Variants in PPOX observed in about 807,000 individuals in gnomAD.
The protein encoded by PPOX is variegate porphyria.
In PPOX, 23 loss-of-function variants were observed where a neutral mutation model predicts 54.1. That is an observed-to-expected ratio of 0.43 (90% CI 0.31 to 0.60). The LOEUF is 0.60. Ranked by LOEUF, PPOX falls within the 20% of genes least tolerant of loss-of-function variation. The probability of loss-of-function intolerance (pLI) is 0.13; values close to 1 mark genes in which losing one functional copy is unlikely to be tolerated. For synonymous variants in PPOX, 224 were observed against 236.1 expected, an observed-to-expected ratio of 0.95 and a Z score of 0.47; for missense variants, 512 against 601.1, an observed-to-expected ratio of 0.85 and a Z score of 1.55.
chr1:161,177,267 A>C, downstream of PPOX: 1 of 599,546 alleles, frequency 1.7e-6, no homozygotes, highest in Non-Finnish European at 2.9e-6. Context: ...CCTACCTACT[A>C]GCAACGTGAG....
chr1:161,170,797 C>CTTGATAACT, intron 11 of PPOX, 28 bp downstream of exon 11: 2 of 1,614,076 alleles, frequency 1.2e-6, no homozygotes, highest in Non-Finnish European at 1.7e-6. Context: ...TCCCTCAGCT[C>CTTGATAACT]TCCACTGAAG....
chr1:161,166,217 G>C, upstream of PPOX: 1 of 970,222 alleles, frequency 1.0e-6, no homozygotes, highest in South Asian at 4.8e-5. Flanking sequence ...TTAAGCGCTC[G>C]CCGCCTCGGT....
At chr1:161,173,582 G>A, downstream of PPOX, 1 of 1,613,238 alleles carries the variant, frequency 6.2e-7, no homozygotes, top group Non-Finnish European at 8.5e-7. Context: ...GGTCAGGAGG[G>A]AGGAAGTGGC....
At chr1:161,173,705 C>T (rs1662343248), downstream of PPOX, 4 of 1,614,120 alleles carry the variant, frequency 2.5e-6, no homozygotes, top group Non-Finnish European at 3.4e-6. Context: ...GAGACTCCTC[C>T]GAAGTACTGG....
At chr1:161,171,704 G>T, downstream of PPOX, 2 of 1,449,658 alleles carry the variant, frequency 1.4e-6, no homozygotes, top group South Asian at 2.6e-5. Context: ...CCCTAGCACG[G>T]CACCAGAGTT....
At chr1:161,172,386 G>A (rs1296862202), downstream of PPOX, 26 of 1,482,374 alleles carry the variant, frequency 1.8e-5, no homozygotes, top group Non-Finnish European at 2.3e-5. Flanking sequence ...AAGCAAGGAA[G>A]GGATTAAATG....
At chr1:161,167,553 TTTTC>T (rs1214189542) in intron 4 of PPOX, 67 bp downstream of exon 4, 28 of 1,336,792 alleles carry the variant, frequency 2.1e-5, no homozygotes, top group Admixed American at 1.0e-4. Context: ...TTCTTTCTTC[TTTTC>T]TTTTTTTTTT....
chr1:161,172,946 C>T (rs944949689), downstream of PPOX, among the ~76,000 whole-genome samples: 1 of 151,758 alleles, frequency 6.6e-6, no homozygotes, highest in Non-Finnish European at 1.5e-5. Context: ...AAACAAACTC[C>T]ACTTCTGACA....
At position 161,170,780 on chromosome 1, in the gene PPOX, A is replaced by C; in HGVS notation, c.1248+11A>C. The C allele has an allele frequency of 1.2e-6, 2 of 1,614,110 alleles. No individual in the cohort carries two copies. The highest frequency in any genetic ancestry group is 1.7e-6 in the Non-Finnish European group (2 of 1,180,028). On this transcript the variant is annotated intron_variant, in intron 11 of 12. Transcript: ENST00000367999. Reference sequence around the variant, plus strand: ...GTCCATCTACACAAGGTAAGTTGGGATAAACTTCCCTCAGCTCTCCACTGA... The same window carrying C: ...GTCCATCTACACAAGGTAAGTTGGGCTAAACTTCCCTCAGCTCTCCACTGA...
chr1:161,177,161 A>T, downstream of PPOX: 1 of 1,313,454 alleles, frequency 7.6e-7, no homozygotes, highest in Non-Finnish European at 1.0e-6. Context: ...GGTGGCTGGA[A>T]GGGCTCACCT....
At chr1:161,177,045 T>G, downstream of PPOX, 31 of 1,531,352 alleles carry the variant, frequency 2.0e-5, no homozygotes, top group Non-Finnish European at 2.7e-5. Flanking sequence ...AGGGTGGGGG[T>G]GGCGTCCTCT....
chr1:161,175,694 C>T, downstream of PPOX: 1 of 1,471,224 alleles, frequency 6.8e-7, no homozygotes, highest in South Asian at 1.3e-5. Context: ...GCAGCCTCAG[C>T]CTACCTATCC....
upstream of PPOX, chr1:161,166,362 T>G: frequency 9.5e-7 from 1 of 1,051,324 alleles, no homozygotes; most frequent in Non-Finnish European, 1.2e-6. Flanking sequence ...ATCCGGGGCC[T>G]TCCAAGTCCC....
At position 161,167,975 on chromosome 1, in the gene PPOX, C is replaced by CTA; in HGVS notation, c.339-18_339-17dup. 6.2e-7 allele frequency: 1 copy of CTA among 1,614,104 alleles called. No homozygotes were observed. The highest frequency in any genetic ancestry group is 1.1e-5 in the South Asian group (1 of 91,068). The stretch of plus-strand genomic sequence containing the variant: ...AGGTATGTCAGGAGCTTCCCCCTCA[C>CTA]TATGCCTTTCTCCATGCAGGGGGCT... On this transcript the variant is annotated intron_variant, in intron 4 of 12. Coordinates refer to ENST00000367999, the MANE Select transcript of PPOX (RefSeq NM_001122764.3).
downstream of PPOX, chr1:161,175,231 G>A: frequency 1.2e-6 from 2 of 1,611,256 alleles, no homozygotes; most frequent in Non-Finnish European, 1.7e-6. Flanking sequence ...AGGACCCACT[G>A]TTGGGAAGGA....
chr1:161,166,371 C>T (rs1658887445), upstream of PPOX: 3 of 1,051,018 alleles, frequency 2.9e-6, no homozygotes, highest in Non-Finnish European at 3.5e-6. Context: ...CTTCCAAGTC[C>T]CGCCAATCCA....
chr1:161,169,728 A>C lies in PPOX; in HGVS notation c.868+8A>C. 1 of 1,614,168 alleles carries C rather than the reference A, an allele frequency of 6.2e-7. No homozygotes were observed. Among genetic ancestry groups the C allele is most frequent in the Non-Finnish European group, 8.5e-7 (1 of 1,179,994 alleles). ...GTGCCATTCCAGCTTCAGGTAATGG[A>C]ATAGCCACCTTCCCCTTCCCCAACC... On this transcript the variant is annotated splice_region_variant and intron_variant, in intron 8 of 12. Coordinates refer to ENST00000367999, the MANE Select transcript of PPOX (RefSeq NM_001122764.3).
At position 161,169,698 on chromosome 1, in the gene PPOX, T is replaced by C; in HGVS notation, c.846T>C (p.Val282=). ...ACAGCAGTCTGGAGGCTGACCACGT[T>C]ATTAGTGCCATTCCAGCTTCAGGTA... The part of the protein sequence containing the change: ...LRDSSLEADH[V]ISAIPASVLS... Residue 282 remains valine (V), a synonymous_variant, in exon 8 of 13, where the codon GTT becomes GTC. Transcript: ENST00000367999. The C allele has an allele frequency of 6.2e-7, 1 of 1,614,174 alleles. No homozygotes were observed. Among genetic ancestry groups the C allele is most frequent in the Non-Finnish European group, 8.5e-7 (1 of 1,180,018 alleles).
In PPOX at chr1:161,169,656, T is replaced by C. The variant is rs1455822784; in HGVS notation, c.808-4T>C. On this transcript the variant is annotated splice_region_variant and splice_polypyrimidine_tract_variant and intron_variant, in intron 7 of 12. Coordinates refer to ENST00000367999, the MANE Select transcript of PPOX (RefSeq NM_001122764.3). ...GGGTCTCTCAAATGTTTTCATGCTC[T>C]CAGGTATCTCTAAGGGACAGCAGTC... The C allele has an allele frequency of 6.2e-7, 1 of 1,614,042 alleles. No individual in the cohort carries two copies. Among genetic ancestry groups the C allele is most frequent in the South Asian group, 1.1e-5 (1 of 91,080 alleles).
Sources: gnomAD v4.1 joint callset for allele counts (sites outside exome capture counted in the v4.1 genomes callset) on GRCh38, gnomAD v4.1.1 for gene constraint, MANE v1.5 for transcripts, NCBI Gene and HGNC (gene_info 2026-07-23, HGNC 2026-07-21) for gene names.